GPD2: variants seen among roughly 807,000 people sequenced by gnomAD.
GPD2 encodes glycerol-3-phosphate dehydrogenase, mitochondrial.
GPD2 carries 54 observed loss-of-function variants against 82.4 expected under a neutral mutation model. The ratio of observed to expected loss-of-function variants is 0.66; its 90% CI spans 0.53 to 0.82. GPD2 has a LOEUF of 0.82. Among genes scored for constraint, GPD2 ranks in the 40% least tolerant of loss-of-function variants. GPD2 has a pLI of 0.00. For missense variants in GPD2, 748 were observed against 896.2 expected (o/e 0.83, Z 2.11); for synonymous variants, 288 against 306.1 (o/e 0.94, Z 0.62).
chr2:156,525,533 A>T (rs752302111), intron 6 of GPD2, among the ~76,000 whole-genome samples: 5 of 152,220 alleles, frequency 3.3e-5, no homozygotes, highest in Non-Finnish European at 5.9e-5. Context: ...GAAAAAAATT[A>T]TGTGAAGAAG....
At chr2:156,532,653 T>C (rs1364249587) in intron 6 of GPD2, among the ~76,000 whole-genome samples, 4 of 152,210 alleles carry the variant, frequency 2.6e-5, no homozygotes, top group Admixed American at 2.6e-4. Flanking sequence ...AATTATTCTA[T>C]TGGTGGCAAT....
intron 8 of GPD2, among the ~76,000 whole-genome samples, chr2:156,553,452 A>G (rs1686841114): frequency 1.3e-5 from 2 of 152,192 alleles, no homozygotes; most frequent in South Asian, 4.1e-4. Flanking sequence ...TATGAAAATA[A>G]AACATGATTC....
intron 1 of GPD2, among the ~76,000 whole-genome samples, chr2:156,441,579 AAAGT>A (rs1682178678): frequency 6.6e-6 from 1 of 152,162 alleles, no homozygotes; most frequent in African/African-American, 2.4e-5. Context: ...AAAAGATAAA[AAAGT>A]AAGTAAATTT....
chr2:156,517,204 C>T (rs1267753623), intron 6 of GPD2, among the ~76,000 whole-genome samples: 3 of 152,116 alleles, frequency 2.0e-5, no homozygotes, highest in South Asian at 2.1e-4. Context: ...GTGATCCTCC[C>T]GCCTTGGCCT....
chr2:156,518,005 A>T (rs532633154), intron 6 of GPD2, among the ~76,000 whole-genome samples: 2 of 152,354 alleles, frequency 1.3e-5, no homozygotes, highest in South Asian at 4.1e-4. Flanking sequence ...GATGCTTCTA[A>T]GTATTCCTTA....
At chr2:156,425,966 A>G in the GPD2 span, among the ~76,000 whole-genome samples, 2 of 142,786 alleles carry the variant, frequency 1.4e-5, no homozygotes, top group South Asian at 2.2e-4. Context: ...TCTGTTGCCC[A>G]GGCTGGAGTG....
At chr2:156,488,306 T>A (rs192781728) in intron 2 of GPD2, among the ~76,000 whole-genome samples, 1 of 152,314 alleles carries the variant, frequency 6.6e-6, no homozygotes, top group Non-Finnish European at 1.5e-5. Flanking sequence ...TGTGAGGAGA[T>A]GCTTGTTGGA....
chr2:156,563,931 C>T (rs1425606380), intron 9 of GPD2, among the ~76,000 whole-genome samples: 1 of 152,166 alleles, frequency 6.6e-6, no homozygotes, highest in East Asian at 1.9e-4. Flanking sequence ...ACATTTCAAG[C>T]GCTTAATAAC....
the GPD2 span, among the ~76,000 whole-genome samples, chr2:156,427,535 A>C: frequency 3.9e-4 from 59 of 152,362 alleles, no homozygotes; most frequent in African/African-American, 8.7e-4. Flanking sequence ...AATGTCCCAC[A>C]GGATACAAAA....
At chr2:156,534,280 G>A (rs982495364) in intron 6 of GPD2, among the ~76,000 whole-genome samples, 1 of 152,034 alleles carries the variant, frequency 6.6e-6, no homozygotes, top group African/African-American at 2.4e-5. Context: ...CTGCTTCTTT[G>A]CTCTTCTGCT....
At chr2:156,451,494 A>C (rs184913) in intron 1 of GPD2, among the ~76,000 whole-genome samples, 35,876 of 53,172 alleles carry the variant, frequency 0.67, 10,480 homozygotes, top group Middle Eastern at 0.86. Flanking sequence ...CCCTCCCGGA[A>C]GGGGCGGCTG....
intron 1 of GPD2, among the ~76,000 whole-genome samples, chr2:156,445,411 C>T (rs539118935): frequency 6.6e-6 from 1 of 152,244 alleles, no homozygotes; most frequent in Non-Finnish European, 1.5e-5. Context: ...AACCATTGAA[C>T]TGTGCCATTT....
rs1275505108 is a variant in GPD2 at position 156,585,066 on chromosome 2, T to A, written c.*2148T>A. 1 of 151,982 alleles carries A rather than the reference T, an allele frequency of 6.6e-6. No homozygotes were observed. The highest frequency in any genetic ancestry group is 1.5e-5 in the Non-Finnish European group (1 of 67,928). The allele number at this position is 151,982 out of a possible 1,614,324, so 9.4% of individuals were successfully genotyped here. ...CTTTTGAGCATATCTGCTTTTACTT[T>A]AAATCTGCTAATTTCTAAAATGTAG... On this transcript the variant is annotated 3_prime_UTR_variant, in exon 17 of 17. Coordinates refer to ENST00000438166, the MANE Select transcript of GPD2 (RefSeq NM_000408.5).
the GPD2 span, among the ~76,000 whole-genome samples, chr2:156,407,431 A>G: frequency 6.6e-6 from 1 of 152,192 alleles, no homozygotes; most frequent in African/African-American, 2.4e-5. Flanking sequence ...TATCCTTCTT[A>G]GAACACATAG....
At chr2:156,449,743 G>A (rs1404688006) in intron 1 of GPD2, among the ~76,000 whole-genome samples, 1 of 151,932 alleles carries the variant, frequency 6.6e-6, no homozygotes, top group Admixed American at 6.6e-5. Context: ...GGGCGTGGTG[G>A]CTTATGCCTG....
chr2:156,471,007 C>T (rs570873229), intron 1 of GPD2, among the ~76,000 whole-genome samples: 20 of 152,302 alleles, frequency 1.3e-4, no homozygotes, highest in Non-Finnish European at 2.2e-4. Context: ...GTAGATGTTC[C>T]GTCAAGATCT....
rs1260538934 is a variant in GPD2, at chr2:156,550,655, AC to A, written c.881del (p.Thr294ArgfsTer25). On this transcript the variant is annotated frameshift_variant, in exon 8 of 17. Coordinates refer to ENST00000438166, the MANE Select transcript of GPD2 (RefSeq NM_000408.5). LOFTEE classifies it high-confidence loss of function. ...KCVINATGPF[T>X]DSVRKMDDKD... The stretch of plus-strand genomic sequence containing the variant: ...TGTTATCAATGCCACGGGACCTTTC[AC>A]GGACTCTGTGCGCAAAATGGATGAT... 6.2e-7 allele frequency: 1 copy of A among 1,613,916 alleles called. No individual in the cohort carries two copies. Among genetic ancestry groups the A allele is most frequent in the Admixed American group, 1.7e-5 (1 of 60,024 alleles).
chr2:156,456,560 C>A (rs1036881449), intron 1 of GPD2, among the ~76,000 whole-genome samples: 1 of 151,512 alleles, frequency 6.6e-6, no homozygotes, highest in Admixed American at 6.6e-5. Flanking sequence ...CACACCACTG[C>A]GCTCCAGCCT....
At chr2:156,465,834 A>G (rs751970609) in intron 1 of GPD2, among the ~76,000 whole-genome samples, 2 of 152,090 alleles carry the variant, frequency 1.3e-5, no homozygotes, top group African/African-American at 4.8e-5. Flanking sequence ...TGACTAATGA[A>G]CTTCTTTTGA....
Sources: gnomAD v4.1 joint callset for allele counts (sites outside exome capture counted in the v4.1 genomes callset) on GRCh38, gnomAD v4.1.1 for gene constraint, MANE v1.5 for transcripts, NCBI Gene and HGNC (gene_info 2026-07-23, HGNC 2026-07-21) for gene names.